CDK5: variants seen among roughly 807,000 people sequenced by gnomAD.
CDK5 encodes cyclin-dependent kinase 5.
In CDK5, 18 loss-of-function variants were observed where a neutral mutation model predicts 44.6. The ratio of observed to expected loss-of-function variants is 0.40; its 90% CI spans 0.28 to 0.60. The LOEUF is 0.60. Ranked by LOEUF, CDK5 falls within the 20% of genes least tolerant of loss-of-function variation. The pLI, the probability that CDK5 is intolerant of heterozygous loss-of-function variation, is 0.38. For synonymous variants in CDK5, 143 were observed against 152.8 expected (o/e 0.94, Z 0.47); for missense variants, 198 against 368.1 (o/e 0.54, Z 3.78).
Position 151,055,385 on chromosome 7 carries a change from C to A in CDK5, c.484-12G>T. ...CACAGTGTGACCACCTGGAGGAGAC[C>A]CCCCCCGAAAGGGACCTCCCACTTA... On this transcript the variant is annotated splice_polypyrimidine_tract_variant and intron_variant, in intron 7 of 11. Transcript: ENST00000485972. 6.2e-7 allele frequency: 1 copy of A among 1,607,480 alleles called. No individual in the cohort carries two copies. The highest frequency in any genetic ancestry group is 1.1e-5 in the South Asian group (1 of 90,960).
rs1489186761 is a variant in CDK5 at position 151,056,830 on chromosome 7, C to T, written c.195-34G>A. The T allele has an allele frequency of 6.2e-6, 10 of 1,601,404 alleles. No homozygotes were observed. Among genetic ancestry groups the T allele is most frequent in the Non-Finnish European group, 8.5e-6 (10 of 1,174,052 alleles). Reference sequence around the variant, plus strand: ...AAAGAAGGGCTCAGCCAGGCAGGTCCGCCTGACAGACGTCCAGTGTCAGCC... The same window carrying T: ...AAAGAAGGGCTCAGCCAGGCAGGTCTGCCTGACAGACGTCCAGTGTCAGCC... On this transcript the variant is annotated intron_variant, in intron 3 of 11. Transcript: ENST00000485972. This position sits in a 1 kb window ranked among gnomAD's most constrained non-coding sequence, Gnocchi z 4.7.
Position 151,057,197 on chromosome 7 carries a change from G to C in CDK5, c.38-37C>G, listed in dbSNP as rs746463722. The C allele has an allele frequency of 1.3e-6, 2 of 1,495,846 alleles. No homozygotes were observed. Among genetic ancestry groups the C allele is most frequent in the Non-Finnish European group, 1.9e-6 (2 of 1,072,284 alleles). The allele number at this position is 1,495,846 out of a possible 1,614,324, so 92.7% of individuals were successfully genotyped here. ...AGGTCAGGGGTCAGGGTGAGGATGC[G>C]GCACTCTTCCCTAAGCCAGGAAATG... On this transcript the variant is annotated intron_variant, in intron 1 of 11. Transcript: ENST00000485972. This position sits in a 1 kb window ranked among gnomAD's most constrained non-coding sequence, Gnocchi z 5.2.
rs759067345 is a variant in CDK5, at chr7:151,055,053, G to A, written c.624C>T (p.Val208=). ...AGRPLFPGND[V]DDQLKRIFRL... The stretch of plus-strand genomic sequence containing the variant: ...GGAAGATCCTCTTCAACTGGTCATC[G>A]ACATCATTGCCGGGAAAAAGAGGCC... Residue 208 remains valine, a synonymous_variant, in exon 9 of 12, where the codon GTC becomes GTT. Coordinates refer to ENST00000485972, the MANE Select transcript of CDK5 (RefSeq NM_004935.4). 41 of 1,613,666 alleles carry A rather than the reference G, an allele frequency of 2.5e-5. No individual in the cohort carries two copies. Among genetic ancestry groups the A allele is most frequent in the East Asian group, 6.7e-5 (3 of 44,902 alleles).
chr7:151,055,956 T>C (rs1796885565), intron 5 of CDK5, 108 bp from the exon 6 acceptor site: 1 of 716,030 alleles, frequency 1.4e-6, no homozygotes, highest in East Asian at 2.7e-5. Flanking sequence ...CCCACCCACC[T>C]TTCAGCACCT....
Position 151,054,140 on chromosome 7 carries a change from G to A in CDK5, c.793-45C>T. On this transcript the variant is annotated intron_variant, in intron 11 of 11. Transcript: ENST00000485972. This position sits in a 1 kb window ranked among gnomAD's most constrained non-coding sequence, Gnocchi z 5.7. ...GGTGGCAGGTTCAGGACAGGTCACTGCCCAGAGCCCTGCCTTCCTGTAGTC... is the reference window on the plus strand; with the variant it reads ...GGTGGCAGGTTCAGGACAGGTCACTACCCAGAGCCCTGCCTTCCTGTAGTC... The A allele has an allele frequency of 1.3e-6, 2 of 1,587,842 alleles. No homozygotes were observed. The highest frequency in any genetic ancestry group is 1.7e-6 in the Non-Finnish European group (2 of 1,165,918).
In CDK5 at chr7:151,056,287, A is replaced by AT. The variant is rs1796892332; in HGVS notation, c.312+292dup. On this transcript the variant is annotated intron_variant, in intron 5 of 11. Transcript: ENST00000485972. The surrounding 1 kb of genome is among the most constrained non-coding windows in gnomAD (Gnocchi z 4.7). ...AAAAGCACCTGGCACACAGTGAAGCATTCAGTAAGTATGTGTTGAATGAAT... is the reference window on the plus strand; with the variant it reads ...AAAAGCACCTGGCACACAGTGAAGCATTTCAGTAAGTATGTGTTGAATGAAT... 3 of 565,176 alleles carry AT rather than the reference A, an allele frequency of 5.3e-6. No homozygotes were observed. Among genetic ancestry groups the AT allele is most frequent in the Non-Finnish European group, 6.3e-6 (2 of 317,374 alleles). 35.0% of individuals were successfully genotyped at this position (565,176 alleles called of 1,614,324 possible). A position where few individuals can be genotyped will look rare whatever the true frequency, so the allele number is the denominator to read the frequency against.
In CDK5 at chr7:151,054,397, C is replaced by T; in HGVS notation, c.711+8G>A. ...GATGAACCATGACCCCCACATTCCC[C>T]ATCACACCTTATAGTCTGGCAGCTT... On this transcript the variant is annotated splice_region_variant and intron_variant, in intron 10 of 11. Transcript: ENST00000485972. The surrounding 1 kb of genome is among the most constrained non-coding windows in gnomAD (Gnocchi z 5.7). 6.2e-7 allele frequency: 1 copy of T among 1,613,376 alleles called. No individual in the cohort carries two copies. Among genetic ancestry groups the T allele is most frequent in the Non-Finnish European group, 8.5e-7 (1 of 1,179,570 alleles).
At chr7:151,055,904 G>T in intron 5 of CDK5, 56 bp from the exon 6 acceptor site, 1 of 1,217,886 alleles carries the variant, frequency 8.2e-7, no homozygotes, top group Non-Finnish European at 1.2e-6. Context: ...ACTGTGCCCA[G>T]CAACGGGTCG....
Position 151,057,325 on chromosome 7 carries a change from G to T in CDK5, c.38-165C>A, listed in dbSNP as rs900442598. ...TGAGTGAGGATGTGGCAGGTGGGGA[G>T]GGAGGAGAAGGTGCCCACCGAGGCT... On this transcript the variant is annotated intron_variant, in intron 1 of 11. Coordinates refer to ENST00000485972, the MANE Select transcript of CDK5 (RefSeq NM_004935.4). The surrounding 1 kb of genome is among the most constrained non-coding windows in gnomAD (Gnocchi z 5.2). 1 of 670,598 alleles carries T rather than the reference G, an allele frequency of 1.5e-6. No individual in the cohort carries two copies. The highest frequency in any genetic ancestry group is 1.8e-5 in the African/African-American group (1 of 56,566). 41.5% of individuals were successfully genotyped at this position (670,598 alleles called of 1,614,324 possible).
chr7:151,056,064 C>T lies in CDK5; in HGVS notation c.313-216G>A, dbSNP rs560344295. The T allele has an allele frequency of 6.7e-5, 39 of 582,166 alleles. No individual in the cohort carries two copies. The highest frequency in any genetic ancestry group is 6.5e-4 in the African/African-American group (35 of 53,814). The allele number at this position is 582,166 out of a possible 1,614,324, so 36.1% of individuals were successfully genotyped here. A position where few individuals can be genotyped will look rare whatever the true frequency, so the allele number is the denominator to read the frequency against. ...GTAAAGAAGCTGGCTCTGGTCCCCA[C>T]CTTCCTGGACCATACAGCCTAATGG... On this transcript the variant is annotated intron_variant, in intron 5 of 11. Coordinates refer to ENST00000485972, the MANE Select transcript of CDK5 (RefSeq NM_004935.4). The surrounding 1 kb of genome is among the most constrained non-coding windows in gnomAD (Gnocchi z 4.7).
chr7:151,056,884 A>G lies in CDK5; in HGVS notation c.194+24T>C. 6.3e-7 allele frequency: 1 copy of G among 1,598,950 alleles called. No individual in the cohort carries two copies. Among genetic ancestry groups the G allele is most frequent in the Non-Finnish European group, 8.5e-7 (1 of 1,173,134 alleles). On this transcript the variant is annotated intron_variant, in intron 3 of 11. Coordinates refer to ENST00000485972, the MANE Select transcript of CDK5 (RefSeq NM_004935.4). The surrounding 1 kb of genome is among the most constrained non-coding windows in gnomAD (Gnocchi z 4.7). Reference sequence around the variant, plus strand: ...GCCTCCCCCAAGCGGCCACACCGGCAAGGAGCACCCGCCTCCCGCACACCT... The same window carrying G: ...GCCTCCCCCAAGCGGCCACACCGGCGAGGAGCACCCGCCTCCCGCACACCT...
In CDK5 at chr7:151,054,003, CG is replaced by C; in HGVS notation, c.*5del. ...GCCCCAGCCTGGAGGCCGGGGGTCCCGGGGCCTAGGGCGGACAGAAGTCGGA... is the reference window on the plus strand; with the variant it reads ...GCCCCAGCCTGGAGGCCGGGGGTCCCGGGCCTAGGGCGGACAGAAGTCGGA... On this transcript the variant is annotated 3_prime_UTR_variant, in exon 12 of 12. Coordinates refer to ENST00000485972, the MANE Select transcript of CDK5 (RefSeq NM_004935.4). The surrounding 1 kb of genome is among the most constrained non-coding windows in gnomAD (Gnocchi z 5.7). 6.3e-7 allele frequency: 1 copy of C among 1,581,940 alleles called. No homozygotes were observed. The highest frequency in any genetic ancestry group is 1.2e-5 in the South Asian group (1 of 86,626).
chr7:151,055,871 G>C, intron 5 of CDK5, 23 bp from the exon 6 acceptor site: 1 of 1,529,522 alleles, frequency 6.5e-7, no homozygotes, highest in Non-Finnish European at 9.0e-7. Context: ...AGGGAGAAGG[G>C]AGTCAGACGC....
Position 151,054,548 on chromosome 7 carries a change from G to GGAA in CDK5, c.651-84_651-83insTTC. 22 of 1,363,216 alleles carry GGAA rather than the reference G, an allele frequency of 1.6e-5. No individual in the cohort carries two copies. The highest frequency in any genetic ancestry group is 2.1e-5 in the Non-Finnish European group (21 of 982,830). The allele number at this position is 1,363,216 out of a possible 1,614,324, so 84.4% of individuals were successfully genotyped here. A position where few individuals can be genotyped will look rare whatever the true frequency, so the allele number is the denominator to read the frequency against. ...GGGTGAGGGCCTCTTCCCCTCCTGG[G>GGAA]GAGGGATTCCTCATACCCACCGCCC... On this transcript the variant is annotated intron_variant, in intron 9 of 11. Coordinates refer to ENST00000485972, the MANE Select transcript of CDK5 (RefSeq NM_004935.4). This position sits in a 1 kb window ranked among gnomAD's most constrained non-coding sequence, Gnocchi z 5.7.
chr7:151,057,102 C>T lies in CDK5; in HGVS notation c.96G>A (p.Leu32=). 6.2e-7 allele frequency: 1 copy of T among 1,613,964 alleles called. No homozygotes were observed. Among genetic ancestry groups the T allele is most frequent in the Non-Finnish European group, 8.5e-7 (1 of 1,179,858 alleles). The change falls in exon 2 of 12, where the codon CTG becomes CTA. Residue 32 remains leucine (L), a synonymous_variant. Coordinates refer to ENST00000485972, the MANE Select transcript of CDK5 (RefSeq NM_004935.4). This position sits in a 1 kb window ranked among gnomAD's most constrained non-coding sequence, Gnocchi z 5.2. ...KNRETHEIVA[L]KRVRLDDDDE... ...CATCGTCATCCAGCCTCACCCGTTT[C>T]AGAGCCACGATCTCATGAGTCTCCC...
In CDK5 at chr7:151,057,796, C is replaced by G; in HGVS notation, c.37+16G>C. ...TGCAGAGGAGCTCTTGCAGGAACAT[C>G]TCGAGATTCCATTACCTTCCCCAAT... On this transcript the variant is annotated intron_variant, in intron 1 of 11. Transcript: ENST00000485972. This position sits in a 1 kb window ranked among gnomAD's most constrained non-coding sequence, Gnocchi z 5.2. 1 of 1,608,914 alleles carries G rather than the reference C, an allele frequency of 6.2e-7. No individual in the cohort carries two copies. Among genetic ancestry groups the G allele is most frequent in the Non-Finnish European group, 8.5e-7 (1 of 1,177,554 alleles).
At position 151,057,175 on chromosome 7, in the gene CDK5, T is replaced by C; in HGVS notation, c.38-15A>G. On this transcript the variant is annotated splice_polypyrimidine_tract_variant and intron_variant, in intron 1 of 11. Coordinates refer to ENST00000485972, the MANE Select transcript of CDK5 (RefSeq NM_004935.4). This position sits in a 1 kb window ranked among gnomAD's most constrained non-coding sequence, Gnocchi z 5.2. ...TCCGTAGGTGCCTAGGGGAAGGAGG[T>C]CAGGGGTCAGGGTGAGGATGCGGCA... is the stretch of plus-strand genomic sequence containing the variant. 6.3e-7 allele frequency: 1 copy of C among 1,599,570 alleles called. No homozygotes were observed. The highest frequency in any genetic ancestry group is 1.1e-5 in the South Asian group (1 of 90,786).
Position 151,057,854 on chromosome 7 carries a change from C to CGG in CDK5, c.-8_-7dup. Reference sequence around the variant, plus strand: ...AGTTTCTCGTATTTCTGCATCGCGGCGGCCGCGGGGACCCCTGCGGGCCCT... The same window carrying CGG: ...AGTTTCTCGTATTTCTGCATCGCGGCGGGGCCGCGGGGACCCCTGCGGGCCCT... On this transcript the variant is annotated 5_prime_UTR_variant, in exon 1 of 12. Coordinates refer to ENST00000485972, the MANE Select transcript of CDK5 (RefSeq NM_004935.4). The surrounding 1 kb of genome is among the most constrained non-coding windows in gnomAD (Gnocchi z 5.2). 1 of 1,609,772 alleles carries CGG rather than the reference C, an allele frequency of 6.2e-7. No homozygotes were observed.
rs1379528083 is a variant in CDK5 at position 151,056,533 on chromosome 7, A to G, written c.312+47T>C. 3 of 1,564,740 alleles carry G rather than the reference A, an allele frequency of 1.9e-6. No individual in the cohort carries two copies. The highest frequency in any genetic ancestry group is 2.6e-6 in the Non-Finnish European group (3 of 1,141,202). On this transcript the variant is annotated intron_variant, in intron 5 of 11. Coordinates refer to ENST00000485972, the MANE Select transcript of CDK5 (RefSeq NM_004935.4). This position sits in a 1 kb window ranked among gnomAD's most constrained non-coding sequence, Gnocchi z 4.7. ...CCCAAGGGGTGCTTACACCGAATGC[A>G]GACTCCGACCCCAGCCTGAGGGGTC...
Sources: allele counts gnomAD v4.1 joint callset, GRCh38; gene constraint gnomAD v4.1.1; non-coding constraint Gnocchi (gnomAD v3.1); transcripts MANE v1.5; gene names NCBI Gene and HGNC (gene_info 2026-07-23, HGNC 2026-07-21).